The following NTNG1 variants were observed in gnomAD, a reference collection of about 807,000 sequenced individuals.
NTNG1 encodes the protein netrin G1, also known as netrin-G1.
Under a neutral mutation model 54.0 loss-of-function variants are expected in NTNG1, and 16 were observed. That is an observed-to-expected ratio of 0.30 (90% CI 0.20 to 0.45). NTNG1 has a LOEUF of 0.45. Ranked by LOEUF, NTNG1 falls within the 20% of genes least tolerant of loss-of-function variation. The pLI is 1.00. For missense variants in NTNG1, 530 were observed against 678.7 expected, an observed-to-expected ratio of 0.78 and a Z score of 2.43; for synonymous variants, 255 against 263.1, an observed-to-expected ratio of 0.97 and a Z score of 0.30.
intron 2 of NTNG1, among the ~76,000 whole-genome samples, chr1:107,263,272 GCTTCCTTCCTTCCTTCCTTCCTTCCTTC>G (rs58443542): frequency 4.1e-5 from 6 of 146,270 alleles, no homozygotes; most frequent in Non-Finnish European, 6.0e-5. Flanking sequence ...AGGTTAGCTT[GCTTCCTTCCTTCCTTCCTTCCTTCCTTC>G]CTTCCTTCCT....
intron 7 of NTNG1, among the ~76,000 whole-genome samples, chr1:107,470,822 A>G (rs567726612): frequency 6.6e-6 from 1 of 152,358 alleles, no homozygotes; most frequent in East Asian, 1.9e-4. Context: ...ATTTCAATAC[A>G]TCATTAATGA....
At chr1:107,219,314 G>A (rs1022762810) in intron 2 of NTNG1, among the ~76,000 whole-genome samples, 23 of 152,020 alleles carry the variant, frequency 1.5e-4, no homozygotes, top group Middle Eastern at 6.8e-3. Flanking sequence ...GTTTCTATTA[G>A]TATCCTGTAC....
chr1:107,239,739 T>A (rs149315715), intron 2 of NTNG1, among the ~76,000 whole-genome samples: 5 of 152,018 alleles, frequency 3.3e-5, no homozygotes, highest in Non-Finnish European at 7.4e-5. Context: ...GGCTTAGAGT[T>A]GGGGTGTGGG....
intron 3 of NTNG1, among the ~76,000 whole-genome samples, chr1:107,342,347 G>A (rs960984546): frequency 2.6e-5 from 4 of 151,936 alleles, no homozygotes; most frequent in African/African-American, 9.7e-5. Context: ...AATCATAAGA[G>A]GAATGCCATG....
intron 2 of NTNG1, among the ~76,000 whole-genome samples, chr1:107,214,262 C>T (rs907751951): frequency 2.0e-5 from 3 of 152,046 alleles, no homozygotes; most frequent in African/African-American, 4.8e-5. Flanking sequence ...TCTTTTATCC[C>T]TCACCCCTTC....
intron 2 of NTNG1, among the ~76,000 whole-genome samples, chr1:107,231,549 A>AT (rs751039425): frequency 4.6e-5 from 7 of 152,192 alleles, no homozygotes; most frequent in Non-Finnish European, 7.3e-5. Context: ...TTTGCTCCTT[A>AT]TGATATGAGT....
At chr1:107,222,601 T>G (rs951706130) in intron 2 of NTNG1, among the ~76,000 whole-genome samples, 1 of 152,146 alleles carries the variant, frequency 6.6e-6, no homozygotes, top group Non-Finnish European at 1.5e-5. Flanking sequence ...AGCACACTAC[T>G]GGGAGCATAC....
chr1:107,354,341 C>T (rs545548302), intron 3 of NTNG1, among the ~76,000 whole-genome samples: 1 of 151,560 alleles, frequency 6.6e-6, no homozygotes, highest in African/African-American at 2.4e-5. Context: ...TGGTGGCAGG[C>T]ACCTGTAGTC....
At chr1:107,150,603 T>C (rs1204927291) in intron 2 of NTNG1, among the ~76,000 whole-genome samples, 1 of 152,228 alleles carries the variant, frequency 6.6e-6, no homozygotes, top group Non-Finnish European at 1.5e-5. Flanking sequence ...AAATTTCCTT[T>C]CTCAGGGTGC....
Position 107,480,722 on chromosome 1 carries a change from G to A in NTNG1, c.1502G>A (p.Arg501Gln), listed in dbSNP as rs761288161. The A allele has an allele frequency of 1.1e-5, 18 of 1,610,762 alleles. No homozygotes were observed. In the East Asian group the frequency reaches 3.8e-4, roughly 34 times the overall value. The change falls in exon 8 of 8, where the codon CGG becomes CAG. Residue 501 changes from arginine to glutamine, a missense_variant. Arg to Gln is a conservative substitution (Grantham distance 43). Around this residue, in one of 2 missense-constraint regions of NTNG1, gnomAD observed 212 missense variants for 213.6 expected, o/e 0.99. Coordinates refer to ENST00000370068, the MANE Select transcript of NTNG1 (RefSeq NM_001113226.3). Reference protein sequence around the residue: ...AYTGILCEKLRCEEAGSCGSD... With the variant: ...AYTGILCEKLQCEEAGSCGSD... ...ACGGGCATCCTCTGCGAGAAGCTGC[G>A]GTGCGAGGAGGCTGGCAGCTGCGGC... is the stretch of plus-strand genomic sequence containing the variant.
At chr1:107,286,413 G>C (rs1217442318) in intron 2 of NTNG1, among the ~76,000 whole-genome samples, 6 of 152,146 alleles carry the variant, frequency 3.9e-5, no homozygotes, top group African/African-American at 1.2e-4. Flanking sequence ...TTCTGCTGAA[G>C]AAATAGGAAC....
intron 3 of NTNG1, among the ~76,000 whole-genome samples, chr1:107,357,661 A>C (rs970582657): frequency 2.6e-5 from 4 of 152,192 alleles, no homozygotes; most frequent in Non-Finnish European, 2.9e-5. Flanking sequence ...ACAAAGAACA[A>C]AGGGAACTGG....
intron 7 of NTNG1, among the ~76,000 whole-genome samples, chr1:107,448,769 T>A (rs1289082379): frequency 1.3e-5 from 2 of 152,098 alleles, no homozygotes; most frequent in Non-Finnish European, 2.9e-5. Context: ...ACGCCATCAA[T>A]TTTTATGTAT....
At chr1:107,403,648 T>C in intron 4 of NTNG1, 1 of 153,720 alleles carries the variant, frequency 6.5e-6, no homozygotes, top group African/African-American at 2.4e-5. Flanking sequence ...AGGTGGAGGT[T>C]GCAGTGAGCC....
chr1:107,429,322 A>G (rs1425033105), intron 5 of NTNG1, among the ~76,000 whole-genome samples: 1 of 152,152 alleles, frequency 6.6e-6, no homozygotes, highest in South Asian at 2.1e-4. Context: ...AATGAATATG[A>G]ACTTTTCTGA....
At chr1:107,207,983 A>T (rs555703148) in intron 2 of NTNG1, among the ~76,000 whole-genome samples, 11 of 152,304 alleles carry the variant, frequency 7.2e-5, no homozygotes, top group African/African-American at 2.6e-4. Flanking sequence ...TCGTACTCAC[A>T]GAAGAATGTT....
intron 5 of NTNG1, among the ~76,000 whole-genome samples, chr1:107,414,693 C>T (rs1021208669): frequency 2.0e-5 from 3 of 152,108 alleles, no homozygotes; most frequent in Admixed American, 1.3e-4. Context: ...TTTTTATTTA[C>T]AACAGCAACC....
chr1:107,424,788 T>A (rs1674793156), intron 5 of NTNG1, among the ~76,000 whole-genome samples: 1 of 152,240 alleles, frequency 6.6e-6, no homozygotes, highest in East Asian at 1.9e-4. Flanking sequence ...ACACAATGGA[T>A]GACTCTGAAG....
intron 2 of NTNG1, among the ~76,000 whole-genome samples, chr1:107,269,283 A>C (rs1251425745): frequency 2.0e-5 from 3 of 152,116 alleles, no homozygotes; most frequent in Non-Finnish European, 4.4e-5. Flanking sequence ...CTTACTTCCC[A>C]AATCTACATG....
Sources: allele counts gnomAD v4.1 joint callset (sites outside exome capture counted in the v4.1 genomes callset), GRCh38; gene constraint gnomAD v4.1.1; regional missense constraint gnomAD v4.1.1; transcripts MANE v1.5; gene names NCBI Gene and HGNC (gene_info 2026-07-23, HGNC 2026-07-21).